The following STXBP4 variants were observed in gnomAD, a reference collection of about 807,000 sequenced individuals.
STXBP4 encodes syntaxin binding protein 4, also known as syntaxin-binding protein 4.
STXBP4 carries 55 observed loss-of-function variants against 76.1 expected under a neutral mutation model. The ratio of observed to expected loss-of-function variants is 0.72; its 90% CI spans 0.58 to 0.91. The LOEUF (loss-of-function observed/expected upper bound fraction) is 0.91. Among genes scored for constraint, STXBP4 ranks in the 40% least tolerant of loss-of-function variants. The pLI is 0.00. For synonymous variants in STXBP4, 201 were observed against 220.2 expected, an observed-to-expected ratio of 0.91 and a Z score of 0.77; for missense variants, 618 against 636.9, an observed-to-expected ratio of 0.97 and a Z score of 0.32.
chr17:55,188,716 C>T, the STXBP4 span, among the ~76,000 whole-genome samples: 1 of 152,198 alleles, frequency 6.6e-6, no homozygotes, highest in Non-Finnish European at 1.5e-5. Flanking sequence ...GTGCAGAGAT[C>T]CTTTCTACCA....
chr17:54,990,724 G>C, intron 3 of STXBP4, 101 bp from the exon 4 acceptor site: 1 of 1,384,100 alleles, frequency 7.2e-7, no homozygotes, highest in Non-Finnish European at 9.6e-7. Flanking sequence ...GTGAGGGGTT[G>C]CTGCTCTAGA....
the STXBP4 span, among the ~76,000 whole-genome samples, chr17:55,209,145 G>A: frequency 6.6e-6 from 1 of 152,088 alleles, no homozygotes; most frequent in Non-Finnish European, 1.5e-5. Context: ...AAGTAATCTG[G>A]AAGAGAAGGC....
At chr17:55,125,479 C>CA (rs10632680) in intron 16 of STXBP4, among the ~76,000 whole-genome samples, 1,740 of 91,744 alleles carry the variant, frequency 0.019, 31 homozygotes, top group African/African-American at 0.027. Flanking sequence ...GGACAAAATA[C>CA]AAAAAAAAAA....
chr17:54,992,859 C>T (rs1331451304), intron 4 of STXBP4, among the ~76,000 whole-genome samples: 2 of 151,824 alleles, frequency 1.3e-5, no homozygotes, highest in Non-Finnish European at 2.9e-5. Context: ...ATTACAGGTG[C>T]GTGCCAACAC....
chr17:55,144,980 C>T (rs2080136442), intron 17 of STXBP4, among the ~76,000 whole-genome samples: 1 of 152,194 alleles, frequency 6.6e-6, no homozygotes, highest in Non-Finnish European at 1.5e-5. Context: ...AAGAGCCTAT[C>T]ATAGCACCTG....
At chr17:55,027,351 G>A (rs1012315531) in intron 8 of STXBP4, among the ~76,000 whole-genome samples, 2 of 152,138 alleles carry the variant, frequency 1.3e-5, no homozygotes, top group African/African-American at 4.8e-5. Flanking sequence ...ACTAGAGTAC[G>A]TCCCTTGAGT....
chr17:55,019,037 T>C (rs1443880234), intron 8 of STXBP4, among the ~76,000 whole-genome samples: 4 of 152,230 alleles, frequency 2.6e-5, no homozygotes, highest in Admixed American at 2.6e-4. Context: ...CTGAAAAAAA[T>C]AATTGTTGGA....
At chr17:55,055,171 A>G (rs532605160) in intron 12 of STXBP4, among the ~76,000 whole-genome samples, 23 of 152,328 alleles carry the variant, frequency 1.5e-4, no homozygotes, top group African/African-American at 5.5e-4. Flanking sequence ...TCAAAGGCCC[A>G]GGAACATAAG....
the STXBP4 span, among the ~76,000 whole-genome samples, chr17:55,212,422 C>T: frequency 6.8e-3 from 1,030 of 152,124 alleles, 40 homozygotes; most frequent in Admixed American, 0.054. Context: ...AGATTATAAG[C>T]GCTAAAAATT....
the STXBP4 span, among the ~76,000 whole-genome samples, chr17:55,202,322 T>TA: frequency 6.6e-6 from 1 of 151,936 alleles, no homozygotes; most frequent in Non-Finnish European, 1.5e-5. Context: ...GAGTCCAAGA[T>TA]AAAATCAAAG....
At position 55,029,568 on chromosome 17, in the gene STXBP4, T is replaced by C. The variant is rs371878127; in HGVS notation, c.667-1600T>C. 2.0e-5 allele frequency among the ~76,000 whole-genome samples: 3 copies of C among 151,534 alleles called. 1 individual carries two copies. Among genetic ancestry groups the C allele is most frequent in the East Asian group, 1.9e-4 (1 of 5,182 alleles). ...AAAAAATACAGAAGCTAAAAATCATTATGCCATGTTATACAATGCAAATAC... is the reference window on the plus strand; with the variant it reads ...AAAAAATACAGAAGCTAAAAATCATCATGCCATGTTATACAATGCAAATAC... On this transcript the variant is annotated intron_variant, in intron 8 of 17. Transcript: ENST00000376352.
intron 8 of STXBP4, among the ~76,000 whole-genome samples, chr17:55,014,772 T>C (rs2078175271): frequency 2.0e-5 from 3 of 152,162 alleles, no homozygotes; most frequent in Admixed American, 1.3e-4. Context: ...GGGCAGCTTA[T>C]TTCTACTTGG....
In STXBP4 at chr17:55,093,268, G is replaced by T. The variant is rs372306005; in HGVS notation, c.1489+12085G>T. 1.5e-3 allele frequency among the ~76,000 whole-genome samples: 223 copies of T among 152,258 alleles called. 7 individuals carry two copies. In the South Asian group the frequency reaches 0.045, roughly 31 times the overall value. On this transcript the variant is annotated intron_variant, in intron 16 of 17. Coordinates refer to ENST00000376352, the MANE Select transcript of STXBP4 (RefSeq NM_178509.6). ...GCCTCCCAAAGTGCTGGGATAATAG[G>T]CATGAGTCACCGCACCCAGCCAAAA... is the stretch of plus-strand genomic sequence containing the variant.
the STXBP4 span, among the ~76,000 whole-genome samples, chr17:55,196,957 T>A: frequency 1.1e-4 from 16 of 152,214 alleles, no homozygotes; most frequent in African/African-American, 3.9e-4. Flanking sequence ...AGCCAACATT[T>A]GAATGAAAGC....
chr17:55,009,035 A>G (rs928522310), intron 8 of STXBP4, among the ~76,000 whole-genome samples: 6 of 152,174 alleles, frequency 3.9e-5, no homozygotes, highest in African/African-American at 1.2e-4. Context: ...TTGGTGCCCT[A>G]TAATCTTTTC....
intron 8 of STXBP4, among the ~76,000 whole-genome samples, chr17:55,013,395 T>G (rs2078146753): frequency 6.6e-6 from 1 of 152,242 alleles, no homozygotes; most frequent in African/African-American, 2.4e-5. Context: ...CTGAGTTTCC[T>G]TAATTACTGT....
chr17:55,009,883 AC>A (rs1459410606), intron 8 of STXBP4, among the ~76,000 whole-genome samples: 1 of 151,998 alleles, frequency 6.6e-6, no homozygotes, highest in African/African-American at 2.4e-5. Context: ...CTTGTTTTGC[AC>A]ATACTGATAT....
chr17:55,011,888 C>T (rs559895930), intron 8 of STXBP4, among the ~76,000 whole-genome samples: 7 of 152,128 alleles, frequency 4.6e-5, no homozygotes, highest in African/African-American at 9.6e-5. Flanking sequence ...GGAGGTTGGC[C>T]GACGACCGCT....
At chr17:55,130,736 C>A (rs1299514082) in intron 16 of STXBP4, among the ~76,000 whole-genome samples, 1 of 152,166 alleles carries the variant, frequency 6.6e-6, no homozygotes, top group Non-Finnish European at 1.5e-5. Context: ...ATGAGTTTGA[C>A]TTTTTAGGTT....
Sources: gnomAD v4.1 joint callset for allele counts (sites outside exome capture counted in the v4.1 genomes callset) on GRCh38, gnomAD v4.1.1 for gene constraint, MANE v1.5 for transcripts, NCBI Gene and HGNC (gene_info 2026-07-23, HGNC 2026-07-21) for gene names.